ABI2: variants seen among roughly 807,000 people sequenced by gnomAD.
ABI2 encodes abl interactor 2.
ABI2 carries 25 observed loss-of-function variants against 59.2 expected under a neutral mutation model. The observed-to-expected ratio is 0.42, with a 90% CI of 0.31 to 0.59. ABI2 has a LOEUF of 0.59. ABI2 is among the 20% of genes least tolerant of loss of function. The pLI, the probability that ABI2 is intolerant of heterozygous loss-of-function variation, is 0.14. For missense variants in ABI2, 545 were observed against 681.8 expected (o/e 0.80, Z 2.23); for synonymous variants, 213 against 235.5 (o/e 0.90, Z 0.87).
chr2:203,403,744 T>G (rs2097315216), intron 9 of ABI2, among the ~76,000 whole-genome samples: 1 of 139,518 alleles, frequency 7.2e-6, no homozygotes, highest in African/African-American at 2.6e-5. Context: ...TTCTTTCTGT[T>G]TTTTTTTTTT....
At chr2:203,384,489 T>G (rs948197117) in intron 4 of ABI2, among the ~76,000 whole-genome samples, 4 of 151,988 alleles carry the variant, frequency 2.6e-5, no homozygotes, top group African/African-American at 9.7e-5. Flanking sequence ...AACAAATTTT[T>G]TGTAGAGATG....
At chr2:203,423,674 G>A (rs1043861421) in intron 11 of ABI2, among the ~76,000 whole-genome samples, 1 of 152,140 alleles carries the variant, frequency 6.6e-6, no homozygotes, top group Admixed American at 6.5e-5. Flanking sequence ...GCCCACCTTG[G>A]CCTTCCAAAG....
chr2:203,395,458 C>T lies in ABI2; in HGVS notation c.726-198C>T, dbSNP rs920987596. Among the ~76,000 whole-genome samples the T allele has an allele frequency of 6.9e-3, 843 of 122,712 alleles. 11 individuals are homozygous for T. Among genetic ancestry groups the T allele is most frequent in the African/African-American group, 0.022 (779 of 35,382 alleles). 80.5% of individuals were successfully genotyped at this position (122,712 alleles called of 152,430 possible). On this transcript the variant is annotated intron_variant, in intron 6 of 11. Coordinates refer to ENST00000261018, the MANE Select transcript of ABI2 (RefSeq NM_001375670.1). ...ATATATATATATATATACACACACA[C>T]ACACACACACACACACACACACACA...
At chr2:203,346,032 GCACA>G (rs147596774) in intron 1 of ABI2, among the ~76,000 whole-genome samples, 5 of 150,406 alleles carry the variant, frequency 3.3e-5, no homozygotes, top group African/African-American at 1.2e-4. Context: ...ATACACACGC[GCACA>G]CACACACACA....
chr2:203,404,058 T>G (rs1417465612), intron 9 of ABI2, among the ~76,000 whole-genome samples: 1 of 152,076 alleles, frequency 6.6e-6, no homozygotes, highest in Non-Finnish European at 1.5e-5. Flanking sequence ...TGGCCTAAGT[T>G]CCATGTTCTT....
chr2:203,350,591 G>A (rs746592493), intron 1 of ABI2, among the ~76,000 whole-genome samples: 2 of 150,472 alleles, frequency 1.3e-5, no homozygotes, highest in Non-Finnish European at 2.9e-5. Flanking sequence ...CCAGGCTAGA[G>A]TGTAGTGGCG....
intron 11 of ABI2, among the ~76,000 whole-genome samples, chr2:203,418,940 G>A (rs1043459878): frequency 3.9e-5 from 6 of 151,910 alleles, no homozygotes; most frequent in African/African-American, 1.5e-4. Context: ...GATAATCAGA[G>A]GAAAAATGAC....
intron 10 of ABI2, among the ~76,000 whole-genome samples, chr2:203,415,345 C>CA (rs745709946): frequency 1.2e-4 from 18 of 152,006 alleles, no homozygotes; most frequent in Non-Finnish European, 2.4e-4. Flanking sequence ...TCACCGGGCG[C>CA]GGTGGCTCAC....
intron 1 of ABI2, among the ~76,000 whole-genome samples, chr2:203,357,128 T>A (rs540242247): frequency 6.6e-6 from 1 of 152,340 alleles, no homozygotes; most frequent in South Asian, 2.1e-4. Flanking sequence ...GATATAAAAT[T>A]TGTGATTTGT....
intron 11 of ABI2, among the ~76,000 whole-genome samples, chr2:203,425,491 C>T (rs1018912844): frequency 1.3e-5 from 2 of 152,060 alleles, no homozygotes; most frequent in African/African-American, 2.4e-5. Context: ...CGTAAGCTAC[C>T]GCACCTGGCT....
intron 8 of ABI2, among the ~76,000 whole-genome samples, chr2:203,399,431 T>G (rs1365759968): frequency 6.6e-6 from 1 of 152,206 alleles, no homozygotes; most frequent in African/African-American, 2.4e-5. Context: ...TTTTATATTC[T>G]AAATATATGT....
At chr2:203,417,209 C>A in intron 11 of ABI2, 128 bp downstream of exon 11, 1 of 874,600 alleles carries the variant, frequency 1.1e-6, no homozygotes, top group Non-Finnish European at 1.6e-6. Flanking sequence ...TGCATTTTTA[C>A]TGAGTTTACA....
intron 4 of ABI2, among the ~76,000 whole-genome samples, chr2:203,383,501 A>G (rs2096265623): frequency 6.6e-6 from 1 of 152,188 alleles, no homozygotes; most frequent in Non-Finnish European, 1.5e-5. Flanking sequence ...GTTTAATTGA[A>G]GAAAAAATAC....
chr2:203,374,983 G>A (rs1451744418), intron 2 of ABI2: 2 of 342,402 alleles, frequency 5.8e-6, no homozygotes, highest in Non-Finnish European at 1.3e-5. Context: ...GCATGTGCTT[G>A]GGTTCATGAG....
rs145109912 is a variant in ABI2 at position 203,353,087 on chromosome 2, A to G, written c.118-13790A>G. 1.7e-3 allele frequency among the ~76,000 whole-genome samples: 259 copies of G among 152,320 alleles called. 1 individual carries two copies. The highest frequency in any genetic ancestry group is 6.0e-3 in the African/African-American group (250 of 41,582). On this transcript the variant is annotated intron_variant, in intron 1 of 11. Transcript: ENST00000261018. Reference sequence around the variant, plus strand: ...TGCACAGTGACAGAATTGTCTAATGACGCATTTCTCAGAATGTATCCCTGT... The same window carrying G: ...TGCACAGTGACAGAATTGTCTAATGGCGCATTTCTCAGAATGTATCCCTGT...
In ABI2 at chr2:203,394,735, G is replaced by T; in HGVS notation, c.614G>T (p.Arg205Leu). 6.2e-7 allele frequency: 1 copy of T among 1,613,952 alleles called. No homozygotes were observed. Among genetic ancestry groups the T allele is most frequent in the Non-Finnish European group, 8.5e-7 (1 of 1,179,934 alleles). ...CCCTATCGCACACTGGAGCCAGTGCGTCCTCCAGTGGTACCAAATGATTAC... is the reference window on the plus strand; with the variant it reads ...CCCTATCGCACACTGGAGCCAGTGCTTCCTCCAGTGGTACCAAATGATTAC... ...HSPYRTLEPV[R>L]PPVVPNDYVP... The change falls in exon 6 of 12, where the codon CGT becomes CTT. Residue 205 changes from arginine to leucine, a missense_variant. Physicochemically the swap from Arg to Leu is moderately radical, Grantham distance 102. Transcript: ENST00000261018.
At chr2:203,406,539 TAAA>T (rs1189351751) in intron 9 of ABI2, among the ~76,000 whole-genome samples, 1 of 152,192 alleles carries the variant, frequency 6.6e-6, no homozygotes, top group East Asian at 1.9e-4. Flanking sequence ...TGTTCCAAAA[TAAA>T]AAGCCATTTC....
At position 203,355,089 on chromosome 2, in the gene ABI2, A is replaced by G. The variant is rs1048746165; in HGVS notation, c.118-11788A>G. ...ATCTCAGAAGTTTCCTTTGCTGTCAACCTTGGATTTCCCTTTTCCTCTTTG... is the reference window on the plus strand; with the variant it reads ...ATCTCAGAAGTTTCCTTTGCTGTCAGCCTTGGATTTCCCTTTTCCTCTTTG... On this transcript the variant is annotated intron_variant, in intron 1 of 11. Transcript: ENST00000261018. 18 of 296,046 alleles carry G rather than the reference A, an allele frequency of 6.1e-5. 1 individual carries two copies. In the Middle Eastern group the frequency reaches 2.5e-3, roughly 41 times the overall value. 18.3% of individuals were successfully genotyped at this position (296,046 alleles called of 1,614,324 possible).
At chr2:203,401,811 C>T (rs772113717) in intron 8 of ABI2, among the ~76,000 whole-genome samples, 2 of 151,956 alleles carry the variant, frequency 1.3e-5, no homozygotes, top group Admixed American at 6.6e-5. Context: ...TTCCTTTAAC[C>T]ATACTTTTTT....
Sources: gnomAD v4.1 joint callset for allele counts (sites outside exome capture counted in the v4.1 genomes callset) on GRCh38, gnomAD v4.1.1 for gene constraint, MANE v1.5 for transcripts, NCBI Gene and HGNC (gene_info 2026-07-23, HGNC 2026-07-21) for gene names.